The following EMID1 variants were observed in gnomAD, a reference collection of about 807,000 sequenced individuals.
The protein encoded by EMID1 is EMI domain containing 1.
EMID1 carries 40 observed loss-of-function variants against 60.6 expected under a neutral mutation model. The observed-to-expected ratio is 0.66, with a 90% confidence interval of 0.51 to 0.86. The LOEUF (loss-of-function observed/expected upper bound fraction) is 0.86. Among genes scored for constraint, EMID1 ranks in the 40% least tolerant of loss-of-function variants. EMID1 has a pLI of 0.00. For synonymous variants in EMID1, 242 were observed against 231.0 expected, an observed-to-expected ratio of 1.05 and a Z score of -0.43; for missense variants, 585 against 597.1, an observed-to-expected ratio of 0.98 and a Z score of 0.21.
chr22:29,255,479 TCCAG>T (rs1008561702), intron 14 of EMID1: 18 of 760,204 alleles, frequency 2.4e-5, no homozygotes, highest in African/African-American at 3.5e-5. Flanking sequence ...TCATTCTTCA[TCCAG>T]CCAGCCAGCC....
intron 8 of EMID1, 140 bp downstream of exon 8, chr22:29,232,542 C>G (rs546220988): frequency 8.3e-6 from 8 of 966,084 alleles, no homozygotes; most frequent in Non-Finnish European, 1.2e-5. Flanking sequence ...CTCCAGCAGG[C>G]GCCGTTGTCC....
chr22:29,229,643 C>CA (rs34973149), intron 5 of EMID1, among the ~76,000 whole-genome samples: 77,540 of 126,790 alleles, frequency 0.61, 22,990 homozygotes, highest in Non-Finnish European at 0.68. Context: ...AACTCCACCT[C>CA]AAAAAAAAAA....
At chr22:29,239,796 C>T (rs1285517261) in intron 12 of EMID1, among the ~76,000 whole-genome samples, 1 of 147,432 alleles carries the variant, frequency 6.8e-6, no homozygotes, top group African/African-American at 2.5e-5. Context: ...CTCACTCTGT[C>T]TCCCAGGCAC....
chr22:29,224,450 G>T (rs1409095724), intron 3 of EMID1, among the ~76,000 whole-genome samples: 1 of 152,176 alleles, frequency 6.6e-6, no homozygotes, highest in Non-Finnish European at 1.5e-5. Context: ...CAGCCAGGGC[G>T]GCTGGGGAGG....
intron 13 of EMID1, among the ~76,000 whole-genome samples, chr22:29,245,106 C>G (rs5763091): frequency 0.14 from 20,988 of 152,094 alleles, 1,685 homozygotes; most frequent in East Asian, 0.23. Flanking sequence ...CTGCCCATGA[C>G]TTCTGGTGCC....
intron 14 of EMID1, chr22:29,255,193 CACCCT>C: frequency 2.2e-6 from 1 of 454,316 alleles, no homozygotes; most frequent in Non-Finnish European, 4.0e-6. Context: ...AGTGCCCTCC[CACCCT>C]CCCCGCTTGG....
In EMID1 at chr22:29,211,890, G is replaced by A. The variant is rs573136499; in HGVS notation, c.102-3036G>A. Reference sequence around the variant, plus strand: ...TTAACCTGTACACCAAGTTTTATGCGTATTTCTGGAGAGGAGCCACGATTC... The same window carrying A: ...TTAACCTGTACACCAAGTTTTATGCATATTTCTGGAGAGGAGCCACGATTC... On this transcript the variant is annotated intron_variant, in intron 1 of 14. Transcript: ENST00000334018. Among the ~76,000 whole-genome samples the A allele has an allele frequency of 3.2e-4, 49 of 152,332 alleles. 1 individual carries two copies. The highest frequency in any genetic ancestry group is 2.4e-3 in the Admixed American group (37 of 15,302).
At chr22:29,233,188 C>T in intron 8 of EMID1, 191 bp from the exon 9 acceptor site, 1 of 645,674 alleles carries the variant, frequency 1.5e-6, no homozygotes, top group Admixed American at 2.6e-5. Flanking sequence ...GAACCCACAT[C>T]TCCCTGCCTC....
At chr22:29,247,023 G>A (rs1178604026) in intron 13 of EMID1, among the ~76,000 whole-genome samples, 1 of 151,874 alleles carries the variant, frequency 6.6e-6, no homozygotes, top group African/African-American at 2.4e-5. Context: ...CTATCGCCCA[G>A]GCTGGAGTGC....
chr22:29,209,357 G>A (rs751567578), intron 1 of EMID1, among the ~76,000 whole-genome samples: 30 of 152,054 alleles, frequency 2.0e-4, no homozygotes, highest in Non-Finnish European at 3.2e-4. Context: ...GGGAAGTGCC[G>A]CCTCTTCCCA....
At chr22:29,227,080 T>C (rs902186603) in intron 5 of EMID1, among the ~76,000 whole-genome samples, 5 of 147,902 alleles carry the variant, frequency 3.4e-5, no homozygotes, top group Admixed American at 1.4e-4. Flanking sequence ...CAAGATAAAA[T>C]GTTGTGTATT....
At chr22:29,227,810 T>C (rs1267286904) in intron 5 of EMID1, among the ~76,000 whole-genome samples, 1 of 151,152 alleles carries the variant, frequency 6.6e-6, no homozygotes, top group Non-Finnish European at 1.5e-5. Flanking sequence ...GGTCAGGAGT[T>C]CAAGACCAGC....
At chr22:29,213,529 G>A (rs967975629) in intron 1 of EMID1, among the ~76,000 whole-genome samples, 1 of 152,168 alleles carries the variant, frequency 6.6e-6, no homozygotes, top group African/African-American at 2.4e-5. Flanking sequence ...CCTGGTCCTG[G>A]CCCAGGAGTT....
chr22:29,214,876 C>T (rs1377565307), intron 1 of EMID1, 50 bp from the exon 2 acceptor site: 12 of 1,376,638 alleles, frequency 8.7e-6, no homozygotes, highest in African/African-American at 1.4e-5. Context: ...GAGTCCCCAG[C>T]AGGGGACCCT....
chr22:29,255,215 AG>A, intron 14 of EMID1: 1 of 93,002 alleles, frequency 1.1e-5, no homozygotes, highest in Non-Finnish European at 2.0e-5. Flanking sequence ...TTGGCTCCCC[AG>A]CCCAGCCCTC....
At chr22:29,222,378 G>A (rs2040331597) in intron 3 of EMID1, among the ~76,000 whole-genome samples, 1 of 150,262 alleles carries the variant, frequency 6.7e-6, no homozygotes, top group African/African-American at 2.5e-5. Context: ...ACAGGTGTGA[G>A]CCACTGCGCC....
intron 3 of EMID1, among the ~76,000 whole-genome samples, chr22:29,224,009 C>T (rs974656616): frequency 6.6e-6 from 1 of 152,230 alleles, no homozygotes; most frequent in Non-Finnish European, 1.5e-5. Context: ...CGGCCCCAGT[C>T]CTGGGCTGGC....
At chr22:29,223,562 A>C (rs1317074536) in intron 3 of EMID1, among the ~76,000 whole-genome samples, 1 of 152,172 alleles carries the variant, frequency 6.6e-6, no homozygotes, top group Non-Finnish European at 1.5e-5. Flanking sequence ...CCACCAACCA[A>C]AAAAAGAAAT....
intron 3 of EMID1, among the ~76,000 whole-genome samples, chr22:29,221,457 C>T (rs907796355): frequency 3.9e-5 from 6 of 152,188 alleles, no homozygotes; most frequent in Admixed American, 1.3e-4. Flanking sequence ...TCACTGCAAG[C>T]TCCGTCTCCT....
Sources: gnomAD v4.1 joint callset for allele counts (sites outside exome capture counted in the v4.1 genomes callset) on GRCh38, gnomAD v4.1.1 for gene constraint, MANE v1.5 for transcripts, NCBI Gene and HGNC (gene_info 2026-07-23, HGNC 2026-07-21) for gene names.